Variants in LYPD1 observed in about 807,000 individuals in gnomAD.
The protein encoded by LYPD1 is LY6/PLAUR domain containing 1.
LYPD1 carries 14 observed loss-of-function variants against 14.2 expected under a neutral mutation model. The observed-to-expected ratio is 0.99, with a 90% CI of 0.65 to 1.54. LYPD1 has a LOEUF of 1.54. Ranked by LOEUF, LYPD1 falls within the 40% of genes most tolerant of loss-of-function variation. The pLI, the probability that LYPD1 is intolerant of heterozygous loss-of-function variation, is 0.00. For missense variants in LYPD1, 165 were observed against 175.7 expected, an observed-to-expected ratio of 0.94 and a Z score of 0.34; for synonymous variants, 85 against 70.6, an observed-to-expected ratio of 1.20 and a Z score of -1.02.
At chr2:132,654,557 C>G (rs1682483423) in intron 2 of LYPD1, among the ~76,000 whole-genome samples, 1 of 151,992 alleles carries the variant, frequency 6.6e-6, no homozygotes, top group African/African-American at 2.4e-5. Context: ...AGATATAGCC[C>G]CAACCATCTG....
chr2:132,667,797 C>T (rs944098564), intron 2 of LYPD1, among the ~76,000 whole-genome samples: 1 of 152,160 alleles, frequency 6.6e-6, no homozygotes, highest in African/African-American at 2.4e-5. Flanking sequence ...CCCACAAGAC[C>T]TCCCCTTCCC....
intron 2 of LYPD1, 76 bp from the exon 3 acceptor site, chr2:132,646,356 A>C: frequency 1.0e-6 from 1 of 1,001,266 alleles, no homozygotes; most frequent in Non-Finnish European, 1.4e-6. Context: ...CCCAAATCCA[A>C]ACGGACAGCT....
At chr2:132,664,276 G>C (rs1282996355) in intron 2 of LYPD1, among the ~76,000 whole-genome samples, 1 of 152,168 alleles carries the variant, frequency 6.6e-6, no homozygotes, top group African/African-American at 2.4e-5. Flanking sequence ...ACAGGCTGTG[G>C]TTAACTTTCC....
chr2:132,659,141 G>C (rs1470603689), intron 2 of LYPD1, among the ~76,000 whole-genome samples: 1 of 152,090 alleles, frequency 6.6e-6, no homozygotes, highest in Admixed American at 6.5e-5. Context: ...AAAAGTAAAA[G>C]GTATATTCAA....
In LYPD1 at chr2:132,644,844, G is replaced by T; in HGVS notation, c.*1201C>A. 1 of 476,382 alleles carries T rather than the reference G, an allele frequency of 2.1e-6. No homozygotes were observed. Among genetic ancestry groups the T allele is most frequent in the Non-Finnish European group, 3.7e-6 (1 of 271,850 alleles). The allele number at this position is 476,382 out of a possible 1,614,324, so 29.5% of individuals were successfully genotyped here. ...TTTTTAAAATTAACAGACATCAACT[G>T]GTATAAATACACTGTCTAAAGCATT... On this transcript the variant is annotated 3_prime_UTR_variant, in exon 3 of 3. Transcript: ENST00000397463.
chr2:132,670,078 A>AGCCGCAGGT lies in LYPD1; in HGVS notation c.-155_-147dup. 1 of 1,489,810 alleles carries AGCCGCAGGT rather than the reference A, an allele frequency of 6.7e-7. No homozygotes were observed. The highest frequency in any genetic ancestry group is 8.9e-7 in the Non-Finnish European group (1 of 1,127,798). The allele number at this position is 1,489,810 out of a possible 1,614,324, so 92.3% of individuals were successfully genotyped here. On this transcript the variant is annotated 5_prime_UTR_variant, in exon 1 of 3. Coordinates refer to ENST00000397463, the MANE Select transcript of LYPD1 (RefSeq NM_144586.7). The surrounding 1 kb of genome is among the most constrained non-coding windows in gnomAD (Gnocchi z 4.5). Reference sequence around the variant, plus strand: ...GGAGACGACGGTCGTAGCTTAGAGGAGCCGCAGGTGCCGCTCGCGGAGCCT... The same window carrying AGCCGCAGGT: ...GGAGACGACGGTCGTAGCTTAGAGGAGCCGCAGGTGCCGCAGGTGCCGCTCGCGGAGCCT...
rs1283661147 is a variant in LYPD1 at position 132,645,187 on chromosome 2, A to T, written c.*858T>A. 6.2e-7 allele frequency: 1 copy of T among 1,614,030 alleles called. No homozygotes were observed. The highest frequency in any genetic ancestry group is 8.5e-7 in the Non-Finnish European group (1 of 1,180,010). ...TGCGGCCAAACCCAAGCACGACTGG[A>T]CGAGGTCCTACTTCCGGGCGTACAT... On this transcript the variant is annotated 3_prime_UTR_variant, in exon 3 of 3. Transcript: ENST00000397463.
At chr2:132,652,737 C>T (rs904677032) in intron 2 of LYPD1, among the ~76,000 whole-genome samples, 5 of 152,192 alleles carry the variant, frequency 3.3e-5, no homozygotes, top group South Asian at 2.1e-4. Flanking sequence ...AGCCACCCAG[C>T]GTTTAAAACT....
chr2:132,645,805 G>A lies in LYPD1; in HGVS notation c.*240C>T. 6.6e-6 allele frequency: 5 copies of A among 753,074 alleles called. No individual in the cohort carries two copies. Among genetic ancestry groups the A allele is most frequent in the East Asian group, 2.7e-5 (1 of 36,456 alleles). 46.6% of individuals were successfully genotyped at this position (753,074 alleles called of 1,614,324 possible). A position where few individuals can be genotyped will look rare whatever the true frequency, so the allele number is the denominator to read the frequency against. On this transcript the variant is annotated 3_prime_UTR_variant, in exon 3 of 3. Transcript: ENST00000397463. ...CCTTGACTCCGGTTACACAGACATG[G>A]GGGTGAACTTTCACTCCACCTCCTT... is the stretch of plus-strand genomic sequence containing the variant.
Position 132,670,118 on chromosome 2 carries a change from C to T in LYPD1, c.-186G>A, listed in dbSNP as rs749871830. ...TCGCGGAGCCTGCATCGCCCGCGCTCGGGCTCCCGGCTGCGGGTCTCTGCT... is the reference window on the plus strand; with the variant it reads ...TCGCGGAGCCTGCATCGCCCGCGCTTGGGCTCCCGGCTGCGGGTCTCTGCT... On this transcript the variant is annotated 5_prime_UTR_variant, in exon 1 of 3. Transcript: ENST00000397463. This position sits in a 1 kb window ranked among gnomAD's most constrained non-coding sequence, Gnocchi z 4.5. The T allele has an allele frequency of 1.4e-5, 20 of 1,413,254 alleles. No individual in the cohort carries two copies. The highest frequency in any genetic ancestry group is 1.8e-5 in the Non-Finnish European group (20 of 1,095,180). 87.5% of individuals were successfully genotyped at this position (1,413,254 alleles called of 1,614,324 possible).
At chr2:132,647,926 G>T (rs910463091) in intron 2 of LYPD1, among the ~76,000 whole-genome samples, 8 of 151,920 alleles carry the variant, frequency 5.3e-5, no homozygotes, top group Non-Finnish European at 4.4e-5. Context: ...AAGTACTTTA[G>T]ATTTACCGTA....
chr2:132,668,614 C>T, intron 1 of LYPD1, 77 bp from the exon 2 acceptor site: 1 of 1,555,820 alleles, frequency 6.4e-7, no homozygotes, highest in Non-Finnish European at 8.6e-7. Flanking sequence ...TCCCACGCCT[C>T]AGAGCCAGGC....
chr2:132,654,374 C>T (rs1682470481), intron 2 of LYPD1, among the ~76,000 whole-genome samples: 1 of 147,602 alleles, frequency 6.8e-6, no homozygotes, highest in South Asian at 2.2e-4. Context: ...GCACTCCAGC[C>T]TCGTGACAGA....
At chr2:132,659,772 C>A (rs534178056) in intron 2 of LYPD1, among the ~76,000 whole-genome samples, 2 of 152,174 alleles carry the variant, frequency 1.3e-5, no homozygotes, top group African/African-American at 4.8e-5. Context: ...GGAGCTGGGA[C>A]CCCTTTGCAC....
intron 2 of LYPD1, among the ~76,000 whole-genome samples, chr2:132,662,154 G>A (rs922218780): frequency 7.2e-5 from 11 of 152,312 alleles, no homozygotes; most frequent in Admixed American, 7.2e-4. Flanking sequence ...TAGAAACAGT[G>A]TACAAACTAA....
At chr2:132,657,175 A>G (rs973860369) in intron 2 of LYPD1, among the ~76,000 whole-genome samples, 14 of 152,272 alleles carry the variant, frequency 9.2e-5, no homozygotes, top group South Asian at 6.2e-4. Flanking sequence ...CAAACAACCA[A>G]CCCATAATGT....
At position 132,646,280 on chromosome 2, in the gene LYPD1, CCT is replaced by C; in HGVS notation, c.191-2_191-1del. 6.7e-7 allele frequency: 1 copy of C among 1,488,256 alleles called. No homozygotes were observed. The highest frequency in any genetic ancestry group is 1.4e-5 in the South Asian group (1 of 71,334). 92.2% of individuals were successfully genotyped at this position (1,488,256 alleles called of 1,614,324 possible). On this transcript the variant is annotated splice_acceptor_variant, in intron 2 of 2. Transcript: ENST00000397463. LOFTEE classifies it high-confidence loss of function. ...TGCACAGGACTTGCGGTACATGATC[CCT>C]GTAACACAGACCCAAAGGAGCTGAG...
chr2:132,669,938 C>A lies in LYPD1; in HGVS notation c.-6G>T, dbSNP rs775995244. 3 of 1,612,222 alleles carry A rather than the reference C, an allele frequency of 1.9e-6. No homozygotes were observed. Among genetic ancestry groups the A allele is most frequent in the East Asian group, 2.2e-5 (1 of 44,700 alleles). Reference sequence around the variant, plus strand: ...GCGATGCCTAGGACCCACATTCTCCCGGAGTCCCGGGGCCGGGAGAGGGCA... The same window carrying A: ...GCGATGCCTAGGACCCACATTCTCCAGGAGTCCCGGGGCCGGGAGAGGGCA... On this transcript the variant is annotated 5_prime_UTR_variant, in exon 1 of 3. Transcript: ENST00000397463. This position sits in a 1 kb window ranked among gnomAD's most constrained non-coding sequence, Gnocchi z 4.3.
At chr2:132,664,239 A>G (rs1393882831) in intron 2 of LYPD1, among the ~76,000 whole-genome samples, 2 of 152,168 alleles carry the variant, frequency 1.3e-5, no homozygotes, top group African/African-American at 4.8e-5. Flanking sequence ...TCTCGGGGAA[A>G]TTAAGCAGAC....
Sources: allele counts gnomAD v4.1 joint callset (sites outside exome capture counted in the v4.1 genomes callset), GRCh38; gene constraint gnomAD v4.1.1; non-coding constraint Gnocchi (gnomAD v3.1); transcripts MANE v1.5; gene names NCBI Gene and HGNC (gene_info 2026-07-23, HGNC 2026-07-21).